Variants in CAMK4 observed in about 807,000 individuals in gnomAD.
CAMK4 encodes the protein calcium/calmodulin dependent protein kinase IV.
A neutral mutation model predicts 44.9 loss-of-function variants in CAMK4; 22 were observed. The ratio of observed to expected loss-of-function variants is 0.49; its 90% confidence interval spans 0.35 to 0.70. CAMK4 has a LOEUF of 0.70. CAMK4 is among the 30% of genes least tolerant of loss of function. The probability of loss-of-function intolerance (pLI) is 0.01; values close to 1 mark genes in which losing one functional copy is unlikely to be tolerated. For missense variants in CAMK4, 498 were observed against 586.8 expected, an observed-to-expected ratio of 0.85 and a Z score of 1.56; for synonymous variants, 218 against 215.4, an observed-to-expected ratio of 1.01 and a Z score of -0.11.
intron 1 of CAMK4, among the ~76,000 whole-genome samples, chr5:111,263,793 G>A (rs997707015): frequency 6.6e-6 from 1 of 152,184 alleles, no homozygotes; most frequent in Non-Finnish European, 1.5e-5. Flanking sequence ...AAGGGCGGAA[G>A]CAGTGTGGAT....
intron 7 of CAMK4, among the ~76,000 whole-genome samples, chr5:111,472,036 G>A (rs1755083427): frequency 6.6e-6 from 1 of 152,054 alleles, no homozygotes; most frequent in African/African-American, 2.4e-5. Flanking sequence ...GGGATTACAG[G>A]CACCTACCAC....
chr5:111,380,983 G>T (rs1751392602), intron 4 of CAMK4, among the ~76,000 whole-genome samples: 1 of 152,114 alleles, frequency 6.6e-6, no homozygotes, highest in African/African-American at 2.4e-5. Flanking sequence ...TTATACCAGG[G>T]CTATTCTTAC....
At chr5:111,279,564 T>G (rs959161052) in intron 1 of CAMK4, among the ~76,000 whole-genome samples, 1 of 152,238 alleles carries the variant, frequency 6.6e-6, no homozygotes, top group African/African-American at 2.4e-5. Flanking sequence ...AACACAATTA[T>G]TCTACTTTGT....
intron 5 of CAMK4, among the ~76,000 whole-genome samples, chr5:111,445,321 C>T (rs1006933717): frequency 6.6e-6 from 1 of 152,050 alleles, no homozygotes; most frequent in Admixed American, 6.5e-5. Context: ...AAAAAGCCAC[C>T]TAAAAATTGT....
At chr5:111,395,314 G>A (rs1022838472) in intron 5 of CAMK4, among the ~76,000 whole-genome samples, 1 of 151,612 alleles carries the variant, frequency 6.6e-6, no homozygotes, top group Admixed American at 6.6e-5. Flanking sequence ...AAGTCTGAAA[G>A]ATGCAATCCT....
At chr5:111,481,334 C>G (rs1020679268) in intron 9 of CAMK4, among the ~76,000 whole-genome samples, 4 of 152,150 alleles carry the variant, frequency 2.6e-5, no homozygotes, top group African/African-American at 9.7e-5. Context: ...GGATAATAGC[C>G]ATGACTACTA....
chr5:111,387,732 T>C (rs1171060890), intron 4 of CAMK4, among the ~76,000 whole-genome samples: 1 of 152,186 alleles, frequency 6.6e-6, no homozygotes, highest in Non-Finnish European at 1.5e-5. Context: ...TTACTTACTA[T>C]GGGCAAGTTT....
intron 9 of CAMK4, among the ~76,000 whole-genome samples, chr5:111,479,899 C>A (rs942611490): frequency 1.2e-4 from 19 of 152,162 alleles, no homozygotes; most frequent in African/African-American, 4.6e-4. Flanking sequence ...GCCCCAACCT[C>A]CTATCTGACC....
At chr5:111,293,424 G>A (rs1020079976) in intron 1 of CAMK4, among the ~76,000 whole-genome samples, 6 of 151,814 alleles carry the variant, frequency 4.0e-5, no homozygotes, top group Non-Finnish European at 8.8e-5. Context: ...CTTTTATGGC[G>A]GTGGTCTACT....
At chr5:111,251,683 C>A (rs1295223809) in intron 1 of CAMK4, among the ~76,000 whole-genome samples, 1 of 152,028 alleles carries the variant, frequency 6.6e-6, no homozygotes, top group Non-Finnish European at 1.5e-5. Context: ...TTTCTTTCTC[C>A]TTAGTCTTTC....
intron 1 of CAMK4, among the ~76,000 whole-genome samples, chr5:111,271,325 A>G (rs1750508405): frequency 6.6e-6 from 1 of 152,200 alleles, no homozygotes; most frequent in African/African-American, 2.4e-5. Context: ...GGTTTCTTCA[A>G]CATTAAGATA....
intron 1 of CAMK4, among the ~76,000 whole-genome samples, chr5:111,240,480 T>C (rs1748938085): frequency 6.6e-6 from 1 of 152,238 alleles, no homozygotes; most frequent in African/African-American, 2.4e-5. Context: ...AAAAGAAAGT[T>C]TGATTTCCAG....
Position 111,482,926 on chromosome 5 carries a change from C to T in CAMK4, c.970C>T (p.Arg324Cys). 1 of 1,603,794 alleles carries T rather than the reference C, an allele frequency of 6.2e-7. No individual in the cohort carries two copies. The highest frequency in any genetic ancestry group is 8.5e-7 in the Non-Finnish European group (1 of 1,176,708). Residue 324 changes from arginine (R) to cysteine (C), a missense_variant, in exon 10 of 11, where the codon CGT becomes TGT. Around this residue, in one of 3 missense-constraint regions of CAMK4, gnomAD observed 203 missense variants for 298.2 expected, o/e 0.68. Transcript: ENST00000282356. The surrounding 1 kb of genome is among the most constrained non-coding windows in gnomAD (Gnocchi z 4.9). ...GAAGCTCCAAGAATTCAATGCCCGGCGTAAGCTTAAGGTAAGATAGCATAT... is the reference window on the plus strand; with the variant it reads ...GAAGCTCCAAGAATTCAATGCCCGGTGTAAGCTTAAGGTAAGATAGCATAT... ...QKKLQEFNAR[R>C]KLKAAVKAVV...
intron 1 of CAMK4, among the ~76,000 whole-genome samples, chr5:111,329,127 C>G (rs1156947944): frequency 6.6e-6 from 1 of 151,824 alleles, no homozygotes; most frequent in Non-Finnish European, 1.5e-5. Context: ...AGACAAAAAC[C>G]ACATGATTAT....
intron 5 of CAMK4, among the ~76,000 whole-genome samples, chr5:111,397,685 GTGTGTGTT>G (rs759692224): frequency 0.041 from 5,574 of 135,072 alleles, 130 homozygotes; most frequent in South Asian, 0.065. Flanking sequence ...GTGTGTGTGT[GTGTGTGTT>G]TGCAGTTTAC....
chr5:111,337,532 A>G (rs1463711822), intron 1 of CAMK4, among the ~76,000 whole-genome samples: 1 of 149,620 alleles, frequency 6.7e-6, no homozygotes, highest in African/African-American at 2.5e-5. Flanking sequence ...AGGTCATTCA[A>G]ATAGTGTTGT....
At chr5:111,293,332 A>G (rs1321331238) in intron 1 of CAMK4, among the ~76,000 whole-genome samples, 2 of 152,216 alleles carry the variant, frequency 1.3e-5, no homozygotes, top group Non-Finnish European at 2.9e-5. Flanking sequence ...ATTAGTTTCA[A>G]TATTTTTAAA....
chr5:111,328,848 T>G (rs1749022866), intron 1 of CAMK4, among the ~76,000 whole-genome samples: 6 of 152,096 alleles, frequency 3.9e-5, no homozygotes, highest in Admixed American at 3.9e-4. Context: ...TTGTGATTTT[T>G]GTACATTGAT....
intron 2 of CAMK4, among the ~76,000 whole-genome samples, chr5:111,371,364 C>G (rs1056314946): frequency 1.3e-5 from 2 of 152,174 alleles, no homozygotes; most frequent in Non-Finnish European, 2.9e-5. Context: ...GCAGTTGACT[C>G]AGAAAAGCTA....
Sources: gnomAD v4.1 joint callset for allele counts (sites outside exome capture counted in the v4.1 genomes callset) on GRCh38, gnomAD v4.1.1 for gene constraint, gnomAD v4.1.1 regional missense constraint, Gnocchi (gnomAD v3.1) non-coding constraint, MANE v1.5 for transcripts, NCBI Gene and HGNC (gene_info 2026-07-23, HGNC 2026-07-21) for gene names.